The following RSF1 variants were observed in gnomAD, a reference collection of about 807,000 sequenced individuals.
RSF1 encodes HBV pX-associated protein 8.
RSF1 carries 13 observed loss-of-function variants against 145.2 expected under a neutral mutation model. The observed-to-expected ratio is 0.09, with a 90% confidence interval of 0.06 to 0.14. RSF1 has a LOEUF of 0.14. RSF1 is among the 10% of genes least tolerant of loss of function. The probability of loss-of-function intolerance (pLI) is 1.00; values close to 1 mark genes in which losing one functional copy is unlikely to be tolerated. For synonymous variants in RSF1, 577 were observed against 592.6 expected (o/e 0.97, Z 0.38); for missense variants, 1,517 against 1,718.2 (o/e 0.88, Z 2.07).
chr11:77,839,908 A>T, the RSF1 span, among the ~76,000 whole-genome samples: 244 of 152,280 alleles, frequency 1.6e-3, 2 homozygotes, highest in African/African-American at 5.7e-3. Flanking sequence ...GGTGCAGCAA[A>T]CCACCATGGC....
the RSF1 span, among the ~76,000 whole-genome samples, chr11:77,857,565 ATTTTG>A: frequency 2.6e-5 from 4 of 151,964 alleles, no homozygotes; most frequent in South Asian, 2.1e-4. Flanking sequence ...GACTCTGATT[ATTTTG>A]TTTTATTTAT....
chr11:77,816,854 A>G (rs1948786536), intron 1 of RSF1, among the ~76,000 whole-genome samples: 1 of 152,262 alleles, frequency 6.6e-6, no homozygotes, highest in Non-Finnish European at 1.5e-5. Context: ...AGAGGAGGAT[A>G]AAACACCACC....
At chr11:77,833,137 G>C in the RSF1 span, among the ~76,000 whole-genome samples, 1 of 150,482 alleles carries the variant, frequency 6.6e-6, no homozygotes, top group Admixed American at 6.7e-5. Context: ...CGGCTTTGGA[G>C]TAGCTGGGAC....
chr11:77,816,006 G>C (rs1324835035), intron 1 of RSF1, among the ~76,000 whole-genome samples: 1 of 152,114 alleles, frequency 6.6e-6, no homozygotes, highest in Non-Finnish European at 1.5e-5. Context: ...CTAGTTCCTA[G>C]GACAATGACA....
intron 4 of RSF1, among the ~76,000 whole-genome samples, chr11:77,726,998 C>A (rs1230837364): frequency 6.6e-6 from 1 of 152,118 alleles, no homozygotes; most frequent in Non-Finnish European, 1.5e-5. Context: ...TGATAAAAAT[C>A]AGAAATTAAA....
chr11:77,860,183 G>C, the RSF1 span, among the ~76,000 whole-genome samples: 1 of 152,310 alleles, frequency 6.6e-6, no homozygotes, highest in African/African-American at 2.4e-5. Context: ...CTGGGGCTTG[G>C]GTTAGGGCCT....
At chr11:77,714,023 C>A (rs1233079331) in intron 5 of RSF1, among the ~76,000 whole-genome samples, 1 of 152,204 alleles carries the variant, frequency 6.6e-6, no homozygotes, top group African/African-American at 2.4e-5. Flanking sequence ...TTGCCAATTT[C>A]ATAACTTTAG....
chr11:77,798,872 T>C (rs1432085708), intron 1 of RSF1, among the ~76,000 whole-genome samples: 1 of 150,852 alleles, frequency 6.6e-6, no homozygotes, highest in Non-Finnish European at 1.5e-5. Flanking sequence ...TTAGGAGACA[T>C]ACCTAATGTA....
chr11:77,691,313 T>C (rs1475422417), intron 8 of RSF1, 75 bp from the exon 9 acceptor site: 1 of 1,258,570 alleles, frequency 7.9e-7, no homozygotes, highest in Non-Finnish European at 1.2e-6. Context: ...GTTAACTTCA[T>C]GGGTAGTGGG....
chr11:77,832,949 ATATGTG>A, the RSF1 span, among the ~76,000 whole-genome samples: 3,170 of 96,174 alleles, frequency 0.033, 156 homozygotes, highest in Non-Finnish European at 0.042. Flanking sequence ...TTGTATATAT[ATATGTG>A]TGTGTGTGTG....
chr11:77,685,186 A>G, intron 9 of RSF1, 27 bp from the exon 10 acceptor site: 4 of 1,398,584 alleles, frequency 2.9e-6, no homozygotes, highest in Non-Finnish European at 3.9e-6. Context: ...AACAAAATAC[A>G]TGAGATTTGC....
chr11:77,690,988 C>A (rs1960137804), intron 9 of RSF1, 171 bp downstream of exon 9: 5 of 544,262 alleles, frequency 9.2e-6, no homozygotes, highest in Admixed American at 7.1e-5. Context: ...CATTTAAAAA[C>A]ATAAAAAACA....
upstream of RSF1, chr11:77,820,964 TCTC>T: frequency 3.7e-6 from 2 of 537,844 alleles, no homozygotes; most frequent in South Asian, 2.5e-5. Context: ...CGCCCCCTTC[TCTC>T]CTCCCCTTCG....
chr11:77,672,012 A>G, intron 15 of RSF1, 30 bp downstream of exon 15: 2 of 1,564,330 alleles, frequency 1.3e-6, no homozygotes, highest in Non-Finnish European at 1.7e-6. Flanking sequence ...CCCTGTCCAA[A>G]CTTCTATATA....
intron 5 of RSF1, among the ~76,000 whole-genome samples, chr11:77,706,066 A>AC (rs1960541165): frequency 6.6e-6 from 1 of 151,816 alleles, no homozygotes; most frequent in Non-Finnish European, 1.5e-5. Flanking sequence ...ACACGGTGAA[A>AC]CCCTGTCTCT....
At chr11:77,692,267 C>T (rs1355213682) in intron 8 of RSF1, among the ~76,000 whole-genome samples, 160 of 12,966 alleles carry the variant, frequency 0.012, no homozygotes, top group African/African-American at 0.037. Context: ...TTTTTTGAGA[C>T]GGAGTCTCGC....
At chr11:77,813,536 A>G in intron 1 of RSF1, 2 of 740,394 alleles carry the variant, frequency 2.7e-6, no homozygotes, top group Admixed American at 1.8e-5. Flanking sequence ...TCACTTGGAG[A>G]TTCTTTGCCT....
chr11:77,734,394 G>A (rs1296157789), intron 4 of RSF1: 1 of 946,186 alleles, frequency 1.1e-6, no homozygotes, highest in Non-Finnish European at 1.7e-6. Context: ...TTATAGAAAA[G>A]GTAAAGGAAA....
Position 77,701,593 on chromosome 11 carries a change from T to C in RSF1, c.1636A>G (p.Met546Val), listed in dbSNP as rs1474484230. 2 of 1,614,030 alleles carry C rather than the reference T, an allele frequency of 1.2e-6. No individual in the cohort carries two copies. Among genetic ancestry groups the C allele is most frequent in the East Asian group, 2.2e-5 (1 of 44,898 alleles). Residue 546 changes from methionine to valine, a missense_variant, in exon 6 of 16, where the codon ATG becomes GTG. This residue lies in a region of RSF1 where 579 missense variants were observed against 553.5 expected (regional missense o/e 1.05). Coordinates refer to ENST00000308488, the MANE Select transcript of RSF1 (RefSeq NM_016578.4). Reference sequence around the variant, plus strand: ...GTTTTTGAAGAGAGATCTTTTGCCATCTCAGAAGAATCAAGAGAAGTTTCC... The same window carrying C: ...GTTTTTGAAGAGAGATCTTTTGCCACCTCAGAAGAATCAAGAGAAGTTTCC... ...EMETSLDSSEMAKDLSSKTAL... is the reference protein window; with the variant it reads ...EMETSLDSSEVAKDLSSKTAL...
Sources: allele counts gnomAD v4.1 joint callset (sites outside exome capture counted in the v4.1 genomes callset), GRCh38; gene constraint gnomAD v4.1.1; regional missense constraint gnomAD v4.1.1; transcripts MANE v1.5; gene names NCBI Gene and HGNC (gene_info 2026-07-23, HGNC 2026-07-21).